SYN3: variants seen among roughly 807,000 people sequenced by gnomAD.
The protein encoded by SYN3 is synapsin-3.
In SYN3, 35 loss-of-function variants were observed where a neutral mutation model predicts 65.8. The observed-to-expected ratio is 0.53, with a 90% CI of 0.41 to 0.70. The LOEUF is 0.70. Among genes scored for constraint, SYN3 ranks in the 30% least tolerant of loss-of-function variants. The pLI is 0.00. For missense variants in SYN3, 680 were observed against 749.0 expected, an observed-to-expected ratio of 0.91 and a Z score of 1.08; for synonymous variants, 270 against 292.9, an observed-to-expected ratio of 0.92 and a Z score of 0.80.
At chr22:32,902,691 TG>T (rs2049794214) in intron 4 of SYN3, among the ~76,000 whole-genome samples, 1 of 152,100 alleles carries the variant, frequency 6.6e-6, no homozygotes, top group Admixed American at 6.5e-5. Context: ...ATGGGACTCG[TG>T]GGCAGGTTCA....
chr22:33,025,451 AAAAG>A (rs1460582944), intron 1 of SYN3, among the ~76,000 whole-genome samples: 1 of 150,070 alleles, frequency 6.7e-6, no homozygotes, highest in Non-Finnish European at 1.5e-5. Context: ...AAAAAAAAAA[AAAAG>A]AAAGCTGGTC....
chr22:32,666,056 C>A (rs545772994), intron 6 of SYN3, among the ~76,000 whole-genome samples: 1 of 152,278 alleles, frequency 6.6e-6, no homozygotes, highest in East Asian at 1.9e-4. Flanking sequence ...TCTCTCGATG[C>A]TTTCTCATCT....
chr22:32,529,168 G>A (rs898939904), intron 10 of SYN3, 160 bp from the exon 11 acceptor site: 11 of 832,690 alleles, frequency 1.3e-5, no homozygotes, highest in South Asian at 9.9e-5. Flanking sequence ...GGCCGGCAGC[G>A]ACATCAGTTC....
chr22:32,561,998 C>T (rs1167641121), intron 7 of SYN3, among the ~76,000 whole-genome samples: 1 of 152,178 alleles, frequency 6.6e-6, no homozygotes, highest in East Asian at 1.9e-4. Context: ...AAACCTGCAA[C>T]GTGGCTGACT....
At chr22:33,052,395 C>T (rs2054183097) in intron 1 of SYN3, among the ~76,000 whole-genome samples, 1 of 152,074 alleles carries the variant, frequency 6.6e-6, no homozygotes, top group South Asian at 2.1e-4. Flanking sequence ...AATCCTCCTC[C>T]TCCTCCTCTT....
intron 6 of SYN3, among the ~76,000 whole-genome samples, chr22:32,717,325 G>A (rs1222557907): frequency 6.6e-6 from 1 of 152,180 alleles, no homozygotes; most frequent in Non-Finnish European, 1.5e-5. Flanking sequence ...AGTCTCCTGG[G>A]TAGATGAAGG....
intron 4 of SYN3, among the ~76,000 whole-genome samples, chr22:32,908,428 T>C (rs922685699): frequency 2.1e-5 from 3 of 141,268 alleles, no homozygotes; most frequent in Admixed American, 7.4e-5. Context: ...TCTCTCTGTA[T>C]CACCCAGGCT....
chr22:32,627,089 G>A (rs908946784), intron 6 of SYN3, among the ~76,000 whole-genome samples: 3 of 152,014 alleles, frequency 2.0e-5, no homozygotes, highest in Middle Eastern at 3.2e-3. Flanking sequence ...CGAGCTGTGC[G>A]GTTCCTCCTT....
intron 6 of SYN3, among the ~76,000 whole-genome samples, chr22:32,770,703 G>A (rs1240488609): frequency 6.6e-6 from 1 of 152,002 alleles, no homozygotes; most frequent in African/African-American, 2.4e-5. Context: ...CCAATTAATA[G>A]GTGTAAGGCC....
At chr22:32,590,687 T>C (rs1428233058) in intron 7 of SYN3, among the ~76,000 whole-genome samples, 1 of 152,248 alleles carries the variant, frequency 6.6e-6, no homozygotes, top group Non-Finnish European at 1.5e-5. Context: ...CTTAGCATTA[T>C]TAATCTTTTT....
At chr22:33,016,806 C>T (rs1235957558) in intron 1 of SYN3, among the ~76,000 whole-genome samples, 1 of 152,020 alleles carries the variant, frequency 6.6e-6, no homozygotes, top group Non-Finnish European at 1.5e-5. Context: ...GGATATTAGC[C>T]CCTTATCAGA....
At chr22:33,016,497 A>C (rs1176736568) in intron 1 of SYN3, among the ~76,000 whole-genome samples, 1 of 152,220 alleles carries the variant, frequency 6.6e-6, no homozygotes, top group Admixed American at 6.5e-5. Flanking sequence ...TATCATAAAG[A>C]CAAAAAATTT....
chr22:32,726,986 T>TCC (rs1167673507), intron 6 of SYN3, among the ~76,000 whole-genome samples: 1 of 143,650 alleles, frequency 7.0e-6, no homozygotes, highest in East Asian at 2.0e-4. Flanking sequence ...TTTTTTTTTT[T>TCC]CCCCAACTGT....
chr22:32,817,168 T>G (rs1198289505), intron 6 of SYN3, among the ~76,000 whole-genome samples: 1 of 151,522 alleles, frequency 6.6e-6, no homozygotes, highest in East Asian at 1.9e-4. Flanking sequence ...CAGTGAGCCA[T>G]GATTGTACCA....
At chr22:32,893,585 C>T (rs1474812226) in intron 4 of SYN3, among the ~76,000 whole-genome samples, 1 of 152,172 alleles carries the variant, frequency 6.6e-6, no homozygotes, top group Non-Finnish European at 1.5e-5. Context: ...TGCATAAGCA[C>T]TTTGTAGCTG....
chr22:32,650,617 C>A (rs1416560244), intron 6 of SYN3, among the ~76,000 whole-genome samples: 1 of 152,052 alleles, frequency 6.6e-6, no homozygotes, highest in Non-Finnish European at 1.5e-5. Context: ...GCAGAATATG[C>A]TCCTACTCTT....
chr22:32,958,863 C>A (rs1227060835), intron 3 of SYN3, among the ~76,000 whole-genome samples: 1 of 151,986 alleles, frequency 6.6e-6, no homozygotes, highest in Non-Finnish European at 1.5e-5. Flanking sequence ...AAGTCCGAGA[C>A]AATGGGAGCA....
intron 7 of SYN3, among the ~76,000 whole-genome samples, chr22:32,556,814 T>G (rs1389402135): frequency 0.012 from 1,432 of 117,120 alleles, 205 homozygotes; most frequent in African/African-American, 0.031. Context: ...GTTTTTTTTT[T>G]TTTTTTTTTT....
At chr22:33,026,016 T>C (rs1180137375) in intron 1 of SYN3, among the ~76,000 whole-genome samples, 3 of 152,114 alleles carry the variant, frequency 2.0e-5, no homozygotes, top group African/African-American at 7.2e-5. Context: ...GTCCCACGAA[T>C]CCAAGGAGCA....
Sources: gnomAD v4.1 joint callset for allele counts (sites outside exome capture counted in the v4.1 genomes callset) on GRCh38, gnomAD v4.1.1 for gene constraint, MANE v1.5 for transcripts, NCBI Gene and HGNC (gene_info 2026-07-23, HGNC 2026-07-21) for gene names.